The following GPHN variants were observed in gnomAD, a reference collection of about 807,000 sequenced individuals.
The protein encoded by GPHN is gephyrin.
Under a neutral mutation model 95.5 loss-of-function variants are expected in GPHN, and 17 were observed. The ratio of observed to expected loss-of-function variants is 0.18; its 90% CI spans 0.12 to 0.27. The LOEUF is 0.27. Ranked by LOEUF, GPHN falls within the 10% of genes least tolerant of loss-of-function variation. The pLI is 1.00. For missense variants in GPHN, 660 were observed against 978.1 expected (o/e 0.67, Z 4.34); for synonymous variants, 320 against 322.5 (o/e 0.99, Z 0.08).
the GPHN span, among the ~76,000 whole-genome samples, chr14:67,520,410 A>T: frequency 1.3e-5 from 2 of 152,172 alleles, no homozygotes; most frequent in Non-Finnish European, 2.9e-5. Flanking sequence ...CTTTTCCAGA[A>T]TGTCATATAG....
intron 16 of GPHN, among the ~76,000 whole-genome samples, chr14:67,115,724 G>C (rs1160004035): frequency 6.7e-6 from 1 of 149,274 alleles, no homozygotes. Context: ...GAGAGAGAGA[G>C]ACTCCATCTC....
chr14:67,215,636 G>T, the GPHN span, among the ~76,000 whole-genome samples: 6,435 of 152,190 alleles, frequency 0.042, 147 homozygotes, highest in Middle Eastern at 0.054. Flanking sequence ...GGCAGGTGCT[G>T]CTCAGTGGAA....
In GPHN at chr14:67,056,022, C is replaced by T. The variant is rs188560031; in HGVS notation, c.1007-2627C>T. 1.7e-3 allele frequency among the ~76,000 whole-genome samples: 262 copies of T among 152,310 alleles called. 1 individual carries two copies. The highest frequency in any genetic ancestry group is 6.1e-3 in the Admixed American group (94 of 15,300). Reference sequence around the variant, plus strand: ...CCGTGAGTGTTACAGCTCTTAAAGGCAGCACGGACCCAAAGAGTGAGCAGC... The same window carrying T: ...CCGTGAGTGTTACAGCTCTTAAAGGTAGCACGGACCCAAAGAGTGAGCAGC... On this transcript the variant is annotated intron_variant, in intron 10 of 22. Transcript: ENST00000478722.
At chr14:66,971,526 ATGT>A (rs1192516200) in intron 9 of GPHN, among the ~76,000 whole-genome samples, 6 of 152,196 alleles carry the variant, frequency 3.9e-5, no homozygotes, top group Non-Finnish European at 8.8e-5. Context: ...GTCTTGTAAT[ATGT>A]TGTTCTGATT....
At chr14:67,275,003 CA>C in the GPHN span, among the ~76,000 whole-genome samples, 4 of 152,202 alleles carry the variant, frequency 2.6e-5, no homozygotes, top group African/African-American at 9.7e-5. Context: ...AGTTGCTTAT[CA>C]GCTTGAGATT....
intron 17 of GPHN, among the ~76,000 whole-genome samples, chr14:67,125,731 C>T (rs544241760): frequency 1.3e-4 from 19 of 151,326 alleles, no homozygotes; most frequent in Admixed American, 1.3e-3. Flanking sequence ...GAGCCAACAT[C>T]GTGCCACTGC....
chr14:67,536,474 T>G, the GPHN span, among the ~76,000 whole-genome samples: 9 of 151,680 alleles, frequency 5.9e-5, 1 homozygote, highest in African/African-American at 2.2e-4. Context: ...TGAGGCAATA[T>G]GAGAGAGCCC....
chr14:66,859,108 C>T (rs1177315504), intron 4 of GPHN, among the ~76,000 whole-genome samples: 1 of 152,186 alleles, frequency 6.6e-6, no homozygotes, highest in Non-Finnish European at 1.5e-5. Flanking sequence ...AGGACACAAG[C>T]CTGTCTGACT....
intron 1 of GPHN, 22 bp from the exon 2 acceptor site, chr14:66,681,085 T>C: frequency 7.1e-7 from 1 of 1,412,382 alleles, no homozygotes; most frequent in Non-Finnish European, 1.0e-6. Context: ...AATTTTTTTT[T>C]CTTTTCCCCA....
At chr14:67,716,178 CAG>C in the GPHN span, among the ~76,000 whole-genome samples, 1 of 141,740 alleles carries the variant, frequency 7.1e-6, no homozygotes, top group Non-Finnish European at 1.5e-5. Flanking sequence ...GCCTGGACGA[CAG>C]AGTGAGACTC....
chr14:67,510,028 A>T, the GPHN span, among the ~76,000 whole-genome samples: 6 of 81,284 alleles, frequency 7.4e-5, no homozygotes, highest in Non-Finnish European at 2.1e-4. Flanking sequence ...TTTTTTTATT[A>T]AAAAAAAAAA....
chr14:67,328,414 T>C, the GPHN span, among the ~76,000 whole-genome samples: 1 of 152,256 alleles, frequency 6.6e-6, no homozygotes, highest in African/African-American at 2.4e-5. Flanking sequence ...GGTAAAAATT[T>C]TCTCCCATTC....
the GPHN span, among the ~76,000 whole-genome samples, chr14:67,411,682 A>G: frequency 1.3e-5 from 2 of 152,326 alleles, no homozygotes; most frequent in Non-Finnish European, 2.9e-5. Flanking sequence ...GCACGCCTAT[A>G]TTATCTTAGT....
At chr14:66,560,115 C>A (rs1046098999) in intron 1 of GPHN, among the ~76,000 whole-genome samples, 4 of 152,022 alleles carry the variant, frequency 2.6e-5, no homozygotes, top group Non-Finnish European at 5.9e-5. Context: ...GTTTTGGTAC[C>A]AGTACCATGC....
chr14:66,916,823 G>A (rs948369936), intron 6 of GPHN, among the ~76,000 whole-genome samples: 1 of 152,158 alleles, frequency 6.6e-6, no homozygotes, highest in Non-Finnish European at 1.5e-5. Context: ...TGCTGTACAA[G>A]CTACCCCCTG....
At chr14:66,551,464 A>G (rs2059809586) in intron 1 of GPHN, among the ~76,000 whole-genome samples, 1 of 152,100 alleles carries the variant, frequency 6.6e-6, no homozygotes, top group Non-Finnish European at 1.5e-5. Context: ...TTTTGAGGTA[A>G]CCTTTCCTAT....
At chr14:66,806,446 ATTCTTTTCTAT>A (rs1231258716) in intron 3 of GPHN, among the ~76,000 whole-genome samples, 1 of 152,240 alleles carries the variant, frequency 6.6e-6, no homozygotes, top group African/African-American at 2.4e-5. Context: ...CTCCTCAGAA[ATTCTTTTCTAT>A]TTCTTTTCTA....
intron 4 of GPHN, among the ~76,000 whole-genome samples, chr14:66,827,475 T>C (rs2061427814): frequency 6.6e-6 from 1 of 152,182 alleles, no homozygotes; most frequent in Non-Finnish European, 1.5e-5. Context: ...CTCTGTGCCT[T>C]AGTTTTCTAT....
At chr14:67,257,717 A>G in the GPHN span, among the ~76,000 whole-genome samples, 6 of 152,320 alleles carry the variant, frequency 3.9e-5, no homozygotes, top group South Asian at 1.2e-3. Flanking sequence ...AGAAATATGA[A>G]GGTAAGTTTA....
Sources: gnomAD v4.1 joint callset for allele counts (sites outside exome capture counted in the v4.1 genomes callset) on GRCh38, gnomAD v4.1.1 for gene constraint, MANE v1.5 for transcripts, NCBI Gene and HGNC (gene_info 2026-07-23, HGNC 2026-07-21) for gene names.